Variants in LRP1B observed in about 807,000 individuals in gnomAD.
LRP1B encodes LDL receptor related protein 1B.
Under a neutral mutation model 556.6 loss-of-function variants are expected in LRP1B, and 217 were observed. That is an observed-to-expected ratio of 0.39 (90% CI 0.35 to 0.44). LRP1B has a LOEUF of 0.44. Ranked by LOEUF, LRP1B falls within the 20% of genes least tolerant of loss-of-function variation. LRP1B has a pLI of 1.00. For missense variants in LRP1B, 5,053 were observed against 5,620.8 expected, an observed-to-expected ratio of 0.90 and a Z score of 3.23; for synonymous variants, 2,047 against 1,865.8, an observed-to-expected ratio of 1.10 and a Z score of -2.50.
intron 1 of LRP1B, among the ~76,000 whole-genome samples, chr2:141,841,911 G>T (rs574568565): frequency 6.6e-6 from 1 of 152,162 alleles, no homozygotes; most frequent in African/African-American, 2.4e-5. Flanking sequence ...TTAATGATTT[G>T]CATTTCAATA....
chr2:140,613,576 A>T (rs1683157980), intron 41 of LRP1B, among the ~76,000 whole-genome samples: 1 of 150,906 alleles, frequency 6.6e-6, no homozygotes, highest in Non-Finnish European at 1.5e-5. Flanking sequence ...TCTTGACCCA[A>T]CTCTAGCCGG....
chr2:141,601,964 C>A (rs1211065352), intron 2 of LRP1B, among the ~76,000 whole-genome samples: 3 of 152,178 alleles, frequency 2.0e-5, no homozygotes, highest in Non-Finnish European at 2.9e-5. Context: ...TTTCTAATAG[C>A]AAATAACTGG....
intron 7 of LRP1B, among the ~76,000 whole-genome samples, chr2:141,135,108 T>G (rs1049221860): frequency 1.3e-5 from 2 of 151,842 alleles, no homozygotes; most frequent in African/African-American, 4.8e-5. Context: ...AGTGTGGGTA[T>G]CTGTGTGAGA....
At chr2:141,963,191 T>C (rs934672013) in intron 1 of LRP1B, among the ~76,000 whole-genome samples, 1 of 151,854 alleles carries the variant, frequency 6.6e-6, no homozygotes, top group Non-Finnish European at 1.5e-5. Flanking sequence ...AATAGAATAC[T>C]TTTCCTCCTA....
chr2:141,811,874 G>C (rs1162263398), intron 1 of LRP1B, among the ~76,000 whole-genome samples: 2 of 152,012 alleles, frequency 1.3e-5, no homozygotes, highest in Non-Finnish European at 2.9e-5. Context: ...CCAAAAAATG[G>C]TAAAAGAAGA....
intron 12 of LRP1B, among the ~76,000 whole-genome samples, chr2:141,016,942 T>C (rs1248634676): frequency 6.6e-6 from 1 of 152,100 alleles, no homozygotes; most frequent in East Asian, 1.9e-4. Context: ...CCTACTGTGA[T>C]CTAAGCTGGC....
intron 35 of LRP1B, among the ~76,000 whole-genome samples, chr2:140,721,922 G>T: frequency 6.6e-6 from 1 of 151,862 alleles, no homozygotes; most frequent in East Asian, 1.9e-4. Context: ...TAAGTGTACA[G>T]TTTGATGAAC....
At chr2:141,734,173 C>A (rs1025116740) in intron 2 of LRP1B, among the ~76,000 whole-genome samples, 2 of 151,730 alleles carry the variant, frequency 1.3e-5, no homozygotes, top group African/African-American at 4.8e-5. Context: ...AATTAATTGA[C>A]GAATTAATCT....
At chr2:141,267,761 T>G (rs1387834756) in intron 3 of LRP1B, among the ~76,000 whole-genome samples, 1 of 151,830 alleles carries the variant, frequency 6.6e-6, no homozygotes, top group Non-Finnish European at 1.5e-5. Flanking sequence ...GAGGTAGGAG[T>G]GTAAGAAAAT....
intron 2 of LRP1B, among the ~76,000 whole-genome samples, chr2:141,628,394 C>G (rs1371735852): frequency 5.3e-5 from 8 of 151,804 alleles, no homozygotes; most frequent in African/African-American, 1.9e-4. Context: ...TCAGTCATTA[C>G]AAAAGCAAAC....
At chr2:140,737,896 T>A in intron 35 of LRP1B, among the ~76,000 whole-genome samples, 2 of 152,348 alleles carry the variant, frequency 1.3e-5, no homozygotes, top group South Asian at 4.1e-4. Context: ...TGAGGTATCA[T>A]GCTAGAGCAG....
In LRP1B at chr2:140,716,063, T is replaced by G. The variant is rs758776202; in HGVS notation, c.5933A>C (p.Glu1978Ala). Residue 1978 changes from glutamate (E) to alanine (A), a missense_variant, in exon 37 of 91, where the codon GAA (glutamate) becomes GCA (alanine). By Grantham distance (107) the Glu-to-Ala change is moderately radical. Transcript: ENST00000389484. The stretch of plus-strand genomic sequence containing the variant: ...GAAAGAACCATTGAGTCTTGCAACT[T>G]CAATTAAGTTGAAACCATGATCTGT... ...YWTDHGFNLI[E>A]VARLNGSFRY... 1 of 1,607,664 alleles carries G rather than the reference T, an allele frequency of 6.2e-7. No individual in the cohort carries two copies. The highest frequency in any genetic ancestry group is 1.1e-5 in the South Asian group (1 of 90,786).
At chr2:141,389,264 A>T (rs994347956) in intron 3 of LRP1B, among the ~76,000 whole-genome samples, 1 of 152,200 alleles carries the variant, frequency 6.6e-6, no homozygotes, top group African/African-American at 2.4e-5. Context: ...TGTTATAGGC[A>T]TAATGGCATA....
At chr2:140,443,676 C>CA (rs1470293985) in intron 65 of LRP1B, among the ~76,000 whole-genome samples, 1 of 152,140 alleles carries the variant, frequency 6.6e-6, no homozygotes, top group African/African-American at 2.4e-5. Flanking sequence ...ATGTGCATGC[C>CA]AGCTTATATG....
intron 7 of LRP1B, among the ~76,000 whole-genome samples, chr2:141,184,594 A>G (rs1681157577): frequency 6.6e-6 from 1 of 151,072 alleles, no homozygotes; most frequent in Non-Finnish European, 1.5e-5. Flanking sequence ...CACTTCATCA[A>G]ATGTTACATT....
chr2:141,295,504 T>A (rs1388991682), intron 3 of LRP1B, among the ~76,000 whole-genome samples: 1 of 152,136 alleles, frequency 6.6e-6, no homozygotes, highest in Non-Finnish European at 1.5e-5. Flanking sequence ...TTTTATTGGA[T>A]CAGTAGCAGT....
chr2:140,868,396 T>C (rs1043102775), intron 25 of LRP1B, 133 bp from the exon 26 acceptor site: 6 of 754,172 alleles, frequency 8.0e-6, no homozygotes, highest in Non-Finnish European at 9.9e-6. Flanking sequence ...GTATTATCTA[T>C]CCTCGTGGGG....
At chr2:140,383,991 G>A (rs1445292340) in intron 67 of LRP1B, among the ~76,000 whole-genome samples, 1 of 152,134 alleles carries the variant, frequency 6.6e-6, no homozygotes, top group Admixed American at 6.6e-5. Context: ...TGTGCCAAAG[G>A]CTGACTTTTA....
chr2:142,076,024 A>G (rs1280004523), intron 1 of LRP1B, among the ~76,000 whole-genome samples: 1 of 152,108 alleles, frequency 6.6e-6, no homozygotes, highest in Non-Finnish European at 1.5e-5. Context: ...ATTCTTAACC[A>G]CAGCCCCCTC....
Sources: allele counts gnomAD v4.1 joint callset (sites outside exome capture counted in the v4.1 genomes callset), GRCh38; gene constraint gnomAD v4.1.1; transcripts MANE v1.5; gene names NCBI Gene and HGNC (gene_info 2026-07-23, HGNC 2026-07-21).